The following STYXL1 variants were observed in gnomAD, a reference collection of about 807,000 sequenced individuals.
STYXL1 encodes serine/threonine/tyrosine interacting like 1, also known as serine/threonine/tyrosine-interacting-like protein 1.
Under a neutral mutation model 36.4 loss-of-function variants are expected in STYXL1, and 32 were observed. The ratio of observed to expected loss-of-function variants is 0.88; its 90% confidence interval spans 0.66 to 1.18. STYXL1 has a LOEUF of 1.18. Among genes scored for constraint, STYXL1 ranks in the 50% most tolerant of loss-of-function variants. The pLI, the probability that STYXL1 is intolerant of heterozygous loss-of-function variation, is 0.00. For missense variants in STYXL1, 354 were observed against 394.1 expected (o/e 0.90, Z 0.86); for synonymous variants, 133 against 144.1 (o/e 0.92, Z 0.55).
intron 3 of STYXL1, among the ~76,000 whole-genome samples, chr7:76,028,309 C>T (rs1474666931): frequency 1.3e-5 from 2 of 152,150 alleles, no homozygotes; most frequent in African/African-American, 2.4e-5. Context: ...GCTGGGACTG[C>T]AGGCATGAAC....
intron 5 of STYXL1, among the ~76,000 whole-genome samples, chr7:76,013,496 C>T (rs1792864363): frequency 6.6e-6 from 1 of 151,652 alleles, no homozygotes; most frequent in African/African-American, 2.4e-5. Context: ...ATGATCTTGG[C>T]TCACTGCAAC....
intron 2 of STYXL1, 115 bp from the exon 3 acceptor site, chr7:76,028,818 T>C: frequency 3.1e-6 from 3 of 964,654 alleles, no homozygotes; most frequent in Non-Finnish European, 4.9e-6. Flanking sequence ...GGATAGTCAT[T>C]GTCAGTTTAA....
rs782010622 is a variant in STYXL1 at position 76,021,909 on chromosome 7, G to C, written c.249C>G (p.Thr83=). The change falls in exon 4 of 9, where the codon ACC becomes ACG. Residue 83 remains threonine, a synonymous_variant. Coordinates refer to ENST00000359697, the MANE Select transcript of STYXL1 (RefSeq NM_001317785.2). The stretch of plus-strand genomic sequence containing the variant: ...CATCATCTTTTAAGAGTATCTCCAG[G>C]GTGCTGCTGTTGTTATCATACACCA... ...YCVVYDNNSS[T]LEILLKDDDD... is the part of the protein sequence containing the mutation. The C allele has an allele frequency of 1.9e-6, 3 of 1,613,534 alleles. No homozygotes were observed. Among genetic ancestry groups the C allele is most frequent in the Non-Finnish European group, 2.5e-6 (3 of 1,179,968 alleles).
chr7:76,021,965 A>T lies in STYXL1; in HGVS notation c.193T>A (p.Ser65Thr), dbSNP rs1328236710. 6.2e-7 allele frequency: 1 copy of T among 1,609,906 alleles called. No homozygotes were observed. The highest frequency in any genetic ancestry group is 8.5e-7 in the Non-Finnish European group (1 of 1,179,406). The change falls in exon 4 of 9, where the codon TCT becomes ACT. Residue 65 changes from serine to threonine, a missense_variant. Coordinates refer to ENST00000359697, the MANE Select transcript of STYXL1 (RefSeq NM_001317785.2). ...TACTTCACACACTCCAGGTCCACAG[A>T]CTCCGGGAGAAGATATTCATTATTT... ...KKNNEYLLPESVDLECVKYCV... is the reference protein window; with the variant it reads ...KKNNEYLLPETVDLECVKYCV...
At position 76,005,341 on chromosome 7, in the gene STYXL1, A is replaced by G; in HGVS notation, c.517T>C (p.Phe173Leu). ...ATCTTGGGGTCACAGGCTTGACTGA[A>G]ATTGCCAACGAAGACCTTCCCTGGC... is the stretch of plus-strand genomic sequence containing the variant. ...IVPGKVFVGN[F>L]SQACDPKIQK... Residue 173 changes from phenylalanine (F) to leucine (L), a missense_variant, in exon 6 of 9, where the codon TTC (phenylalanine) becomes CTC (leucine). Coordinates refer to ENST00000359697, the MANE Select transcript of STYXL1 (RefSeq NM_001317785.2). 1 of 1,613,652 alleles carries G rather than the reference A, an allele frequency of 6.2e-7. No individual in the cohort carries two copies. The highest frequency in any genetic ancestry group is 8.5e-7 in the Non-Finnish European group (1 of 1,179,664).
chr7:76,017,866 C>CAAAAAAAAAAAAAAAAAAA (rs71082374), intron 4 of STYXL1, among the ~76,000 whole-genome samples: 730 of 10,276 alleles, frequency 0.071, 292 homozygotes, highest in East Asian at 0.11. Flanking sequence ...AACTCCATCT[C>CAAAAAAAAAAAAAAAAAAA]AAAAAAAAAA....
chr7:76,004,530 CCT>C (rs1468679091), intron 6 of STYXL1, among the ~76,000 whole-genome samples: 2 of 151,658 alleles, frequency 1.3e-5, no homozygotes, highest in African/African-American at 4.8e-5. Context: ...ATTTTGAAAC[CCT>C]GTCTCTACTA....
Position 76,000,957 on chromosome 7 carries a change from TGG to T in STYXL1, c.741_742del (p.Gln248ArgfsTer16). ...GGCGGCACAACTGCGGCTGATACCT[TGG>T]GTGGAAAAGATCAGAATGACAGAGC... On this transcript the variant is annotated frameshift_variant, in exon 8 of 9. Coordinates refer to ENST00000359697, the MANE Select transcript of STYXL1 (RefSeq NM_001317785.2). LOFTEE classifies it high-confidence loss of function. 5.6e-6 allele frequency: 9 copies of T among 1,614,120 alleles called. No individual in the cohort carries two copies. The highest frequency in any genetic ancestry group is 7.6e-6 in the Non-Finnish European group (9 of 1,179,994).
intron 1 of STYXL1, among the ~76,000 whole-genome samples, chr7:76,046,817 AT>A (rs1436319462): frequency 6.7e-6 from 1 of 150,086 alleles, no homozygotes; most frequent in Non-Finnish European, 1.5e-5. Flanking sequence ...CGCTGGGCTA[AT>A]TTTTGTATTT....
chr7:76,020,898 A>G lies in STYXL1; in HGVS notation c.307+953T>C, dbSNP rs537125510. ...CCTTGGTTCCTGGTGCATGGCACAC[A>G]TGGAACTGTCCCCATAAACTTTGTG... is the stretch of plus-strand genomic sequence containing the variant. On this transcript the variant is annotated intron_variant, in intron 4 of 8. Transcript: ENST00000359697. Among the ~76,000 whole-genome samples, 250 of 152,226 alleles carry G rather than the reference A, an allele frequency of 1.6e-3. 2 individuals are homozygous for G. The highest frequency in any genetic ancestry group is 5.7e-3 in the African/African-American group (235 of 41,548).
intron 1 of STYXL1, among the ~76,000 whole-genome samples, chr7:76,046,765 C>G (rs1426111889): frequency 1.3e-5 from 2 of 151,608 alleles, no homozygotes; most frequent in Non-Finnish European, 2.9e-5. Context: ...ATTCTCCTGC[C>G]TCAGCCTCCG....
chr7:76,024,948 CAAAAAAA>C (rs56728505), intron 3 of STYXL1, among the ~76,000 whole-genome samples: 15 of 72,396 alleles, frequency 2.1e-4, no homozygotes, highest in African/African-American at 8.4e-4. Context: ...GACTCTGTCT[CAAAAAAA>C]AAAAAAAAAA....
At chr7:76,021,805 C>T (rs1554576266) in intron 4 of STYXL1, 46 bp downstream of exon 4, 1 of 1,446,842 alleles carries the variant, frequency 6.9e-7, no homozygotes, top group Non-Finnish European at 9.7e-7. Context: ...CAAATTTGTT[C>T]AATAGCCGTT....
Position 76,005,380 on chromosome 7 carries a change from G to A in STYXL1, c.478C>T (p.Pro160Ser), listed in dbSNP as rs371372131. The A allele has an allele frequency of 1.9e-6, 3 of 1,612,830 alleles. No individual in the cohort carries two copies. The African/African-American group carries it at 4.0e-5, about 22-fold the overall frequency. Reference protein sequence around the residue: ...PQELDAFQPYPIEIVPGKVFV... With the variant: ...PQELDAFQPYSIEIVPGKVFV... ...ACCTTCCCTGGCACGATTTCAATGG[G>A]GTATGGCTGAAATGCATCCAGTTCC... Residue 160 changes from proline to serine, a missense_variant, in exon 6 of 9, where the codon CCC becomes TCC. By Grantham distance (74) the Pro-to-Ser change is moderately conservative. Transcript: ENST00000359697.
intron 1 of STYXL1, among the ~76,000 whole-genome samples, chr7:76,038,257 C>T (rs533975269): frequency 6.7e-5 from 10 of 148,672 alleles, no homozygotes; most frequent in Middle Eastern, 3.6e-3. Flanking sequence ...GTCTCGCTTC[C>T]GGAAGAGAAC....
rs1163715541 is a variant in STYXL1, at chr7:75,996,478, G to A, written c.932C>T (p.Pro311Leu). The A allele has an allele frequency of 4.3e-6, 7 of 1,614,064 alleles. No homozygotes were observed. Among genetic ancestry groups the A allele is most frequent in the East Asian group, 4.5e-5 (2 of 44,900 alleles). Residue 311 changes from proline to leucine, a missense_variant, in exon 9 of 9, where the codon CCG becomes CTG. Pro to Leu is a moderately conservative substitution (Grantham distance 98, BLOSUM62 -3). Transcript: ENST00000359697. ...LGDSITNIMD[P>L]LY ...GGGCCTCGGAGAAGATCAGTAGAGC[G>A]GATCCATGATGTTTGTGATGGAATC...
chr7:76,018,125 T>C (rs1554574608), intron 4 of STYXL1, among the ~76,000 whole-genome samples: 1 of 151,804 alleles, frequency 6.6e-6, no homozygotes, highest in African/African-American at 2.4e-5. Context: ...CCTCAGCCCC[T>C]CAAAGTGCTG....
chr7:76,010,151 T>C (rs557507881), intron 5 of STYXL1, among the ~76,000 whole-genome samples: 2 of 152,256 alleles, frequency 1.3e-5, no homozygotes, highest in East Asian at 3.9e-4. Flanking sequence ...AGGGTGCTCC[T>C]CCAAGAGCAA....
chr7:76,023,230 C>G (rs1227690679), intron 3 of STYXL1, among the ~76,000 whole-genome samples: 2 of 152,116 alleles, frequency 1.3e-5, no homozygotes, highest in African/African-American at 4.8e-5. Context: ...AAGTCACGAA[C>G]CCCAGCAATG....
Sources: gnomAD v4.1 joint callset for allele counts (sites outside exome capture counted in the v4.1 genomes callset) on GRCh38, gnomAD v4.1.1 for gene constraint, MANE v1.5 for transcripts, NCBI Gene and HGNC (gene_info 2026-07-23, HGNC 2026-07-21) for gene names.